DACH1: variants seen among roughly 807,000 people sequenced by gnomAD.
The protein encoded by DACH1 is dachshund homolog 1.
DACH1 carries 12 observed loss-of-function variants against 54.2 expected under a neutral mutation model. The observed-to-expected ratio is 0.22, with a 90% confidence interval of 0.14 to 0.36. DACH1 has a LOEUF of 0.36. Ranked by LOEUF, DACH1 falls within the 10% of genes least tolerant of loss-of-function variation. The pLI is 1.00. For missense variants in DACH1, 805 were observed against 929.8 expected (o/e 0.87, Z 1.75); for synonymous variants, 386 against 366.2 (o/e 1.05, Z -0.62).
chr13:71,451,730 G>C (rs1030650373), intron 10 of DACH1, among the ~76,000 whole-genome samples: 1 of 152,108 alleles, frequency 6.6e-6, no homozygotes, highest in South Asian at 2.1e-4. Flanking sequence ...AATATAGCAC[G>C]TGACCCTAAT....
intron 1 of DACH1, among the ~76,000 whole-genome samples, chr13:71,855,353 G>A (rs1232677114): frequency 6.6e-6 from 1 of 151,986 alleles, no homozygotes; most frequent in East Asian, 1.9e-4. Flanking sequence ...TCTATAAGAT[G>A]TTTTTGGTGT....
At chr13:71,864,208 C>T (rs913262018) in intron 1 of DACH1, among the ~76,000 whole-genome samples, 4 of 123,470 alleles carry the variant, frequency 3.2e-5, no homozygotes, top group Non-Finnish European at 6.3e-5. Context: ...CACACACACA[C>T]ACACACAACA....
At chr13:71,557,726 G>A (rs1300854910) in intron 5 of DACH1, among the ~76,000 whole-genome samples, 1 of 151,164 alleles carries the variant, frequency 6.6e-6, no homozygotes, top group Non-Finnish European at 1.5e-5. Flanking sequence ...TCACTAAGAA[G>A]GACACACTAT....
At chr13:71,721,724 TATC>T (rs1332364858) in intron 1 of DACH1, among the ~76,000 whole-genome samples, 1 of 152,172 alleles carries the variant, frequency 6.6e-6, no homozygotes, top group Non-Finnish European at 1.5e-5. Context: ...TTTTGTGCGA[TATC>T]ATAAAATAAT....
At chr13:71,746,895 A>G (rs1884623671) in intron 1 of DACH1, among the ~76,000 whole-genome samples, 1 of 152,144 alleles carries the variant, frequency 6.6e-6, no homozygotes, top group Non-Finnish European at 1.5e-5. Flanking sequence ...AATGTGGTAA[A>G]TATTTCCTGC....
intron 6 of DACH1, among the ~76,000 whole-genome samples, chr13:71,500,227 G>C (rs1054338931): frequency 6.6e-6 from 1 of 152,088 alleles, no homozygotes. Flanking sequence ...TTTTCGGGGG[G>C]AGGGAGGAAG....
intron 1 of DACH1, among the ~76,000 whole-genome samples, chr13:71,747,788 T>C (rs192641510): frequency 1.3e-5 from 2 of 152,174 alleles, no homozygotes; most frequent in Non-Finnish European, 2.9e-5. Flanking sequence ...TCTGCCATCC[T>C]AGCCTCCTTT....
At chr13:71,761,059 TA>T (rs1423169835) in intron 1 of DACH1, among the ~76,000 whole-genome samples, 2 of 151,586 alleles carry the variant, frequency 1.3e-5, no homozygotes, top group Non-Finnish European at 1.5e-5. Flanking sequence ...CAAGAACATC[TA>T]AAAATAACTC....
At chr13:71,801,760 C>T (rs560356634) in intron 1 of DACH1, among the ~76,000 whole-genome samples, 21 of 151,670 alleles carry the variant, frequency 1.4e-4, no homozygotes, top group Non-Finnish European at 2.4e-4. Context: ...CTTTTCTTAA[C>T]GTGCCACCCT....
rs558834590 is a variant in DACH1 at position 71,800,857 on chromosome 13, GA to G, written c.848+65064del. 1.7e-3 allele frequency among the ~76,000 whole-genome samples: 237 copies of G among 135,784 alleles called. 1 individual carries two copies. Among genetic ancestry groups the G allele is most frequent in the Non-Finnish European group, 3.0e-3 (194 of 64,898 alleles). 89.1% of individuals were successfully genotyped at this position (135,784 alleles called of 152,430 possible). A position where few individuals can be genotyped will look rare whatever the true frequency, so the allele number is the denominator to read the frequency against. ...TATTAATAATTTAGAAAGTCCCTTTGAAAAAAAATCTCTGCAACAATAAAAA... is the reference window on the plus strand; with the variant it reads ...TATTAATAATTTAGAAAGTCCCTTTGAAAAAAATCTCTGCAACAATAAAAA... On this transcript the variant is annotated intron_variant, in intron 1 of 10. Coordinates refer to ENST00000613252, the MANE Select transcript of DACH1 (RefSeq NM_080759.6).
intron 6 of DACH1, among the ~76,000 whole-genome samples, chr13:71,499,302 C>A (rs1245365286): frequency 1.3e-5 from 2 of 152,164 alleles, no homozygotes; most frequent in African/African-American, 4.8e-5. Flanking sequence ...GTAGGTTTAA[C>A]CTCACTGCTG....
chr13:71,463,863 G>T (rs773660941), intron 10 of DACH1, among the ~76,000 whole-genome samples: 1 of 151,620 alleles, frequency 6.6e-6, no homozygotes, highest in Admixed American at 6.6e-5. Context: ...TCCCTTGAAC[G>T]TATACTATTT....
chr13:71,566,705 G>A (rs977931398), intron 4 of DACH1, among the ~76,000 whole-genome samples: 1 of 151,982 alleles, frequency 6.6e-6, no homozygotes, highest in Non-Finnish European at 1.5e-5. Flanking sequence ...TGGTTGTGTT[G>A]TAATACTTTC....
chr13:71,562,556 A>G (rs1884657139), intron 4 of DACH1, among the ~76,000 whole-genome samples: 1 of 152,144 alleles, frequency 6.6e-6, no homozygotes, highest in Non-Finnish European at 1.5e-5. Context: ...TACAGTTTGC[A>G]GATTAAGATA....
At chr13:71,571,326 C>T (rs192162451) in intron 4 of DACH1, among the ~76,000 whole-genome samples, 23 of 152,166 alleles carry the variant, frequency 1.5e-4, no homozygotes, top group South Asian at 2.1e-4. Flanking sequence ...TTTTTCCCTC[C>T]GCCAAACTCC....
At chr13:71,476,973 T>C (rs1481584171) in intron 8 of DACH1, among the ~76,000 whole-genome samples, 1 of 150,270 alleles carries the variant, frequency 6.7e-6, no homozygotes, top group African/African-American at 2.4e-5. Flanking sequence ...TTACTACAGA[T>C]TAAAGAACAG....
intron 1 of DACH1, among the ~76,000 whole-genome samples, chr13:71,758,475 T>C (rs918840302): frequency 6.6e-6 from 1 of 152,142 alleles, no homozygotes; most frequent in African/African-American, 2.4e-5. Flanking sequence ...TCAAGAAAAG[T>C]GTAAGTTCAA....
At chr13:71,817,938 C>T (rs946814055) in intron 1 of DACH1, among the ~76,000 whole-genome samples, 8 of 150,994 alleles carry the variant, frequency 5.3e-5, no homozygotes, top group Non-Finnish European at 1.2e-4. Flanking sequence ...CCTCAGCCTA[C>T]CAAGTAGCTG....
intron 10 of DACH1, among the ~76,000 whole-genome samples, chr13:71,463,259 A>G (rs56720945): frequency 0.04 from 6,017 of 152,014 alleles, 391 homozygotes; most frequent in African/African-American, 0.13. Context: ...TAAACTAGTG[A>G]ATTTATTTTA....
Sources: allele counts gnomAD v4.1 joint callset (sites outside exome capture counted in the v4.1 genomes callset), GRCh38; gene constraint gnomAD v4.1.1; transcripts MANE v1.5; gene names NCBI Gene and HGNC (gene_info 2026-07-23, HGNC 2026-07-21).